The following ZFP64 variants were observed in gnomAD, a reference collection of about 807,000 sequenced individuals.
ZFP64 encodes ZFP64 zinc finger protein, also known as zinc finger protein 64.
A neutral mutation model predicts 51.6 loss-of-function variants in ZFP64; 14 were observed. The observed-to-expected ratio is 0.27, with a 90% CI of 0.18 to 0.42. ZFP64 has a LOEUF of 0.42. Among genes scored for constraint, ZFP64 ranks in the 10% least tolerant of loss-of-function variants. ZFP64 has a pLI of 1.00. For missense variants in ZFP64, 754 were observed against 906.8 expected, an observed-to-expected ratio of 0.83 and a Z score of 2.16; for synonymous variants, 375 against 361.4, an observed-to-expected ratio of 1.04 and a Z score of -0.43.
At chr20:52,135,449 T>C (rs2122892870) in intron 5 of ZFP64, among the ~76,000 whole-genome samples, 1 of 152,216 alleles carries the variant, frequency 6.6e-6, no homozygotes, top group African/African-American at 2.4e-5. Context: ...GGTCTGCAAA[T>C]TGGGAGTTTT....
At chr20:52,168,363 G>A (rs1377178090) in intron 2 of ZFP64, among the ~76,000 whole-genome samples, 1 of 152,204 alleles carries the variant, frequency 6.6e-6, no homozygotes, top group Non-Finnish European at 1.5e-5. Flanking sequence ...CATTTGCTCT[G>A]TGGGATCTGG....
At chr20:52,187,180 T>C in intron 1 of ZFP64, 109 bp from the exon 2 acceptor site, 1 of 1,248,338 alleles carries the variant, frequency 8.0e-7, no homozygotes, top group Admixed American at 2.2e-5. Flanking sequence ...CATGGCTGGG[T>C]AGTGGCCCAG....
rs3035409 is a variant in ZFP64 at position 52,099,319 on chromosome 20, CTTTT to C, written c.764-736_764-733del. Among the ~76,000 whole-genome samples, 246 of 149,986 alleles carry C rather than the reference CTTTT, an allele frequency of 1.6e-3. 1 individual carries two copies. The highest frequency in any genetic ancestry group is 4.7e-3 in the East Asian group (24 of 5,060). ...AGCTGGATGCCATGGCAATGTCAAA[CTTTT>C]TTTTTTTTTTTTAAGATGCTTACTC... On this transcript the variant is annotated intron_variant, in intron 5 of 8. Transcript: ENST00000361387.
intron 5 of ZFP64, among the ~76,000 whole-genome samples, chr20:52,145,552 C>T (rs1183433041): frequency 6.6e-6 from 1 of 152,098 alleles, no homozygotes; most frequent in South Asian, 2.1e-4. Flanking sequence ...GTGGGAGGAT[C>T]ACCTGAGCCT....
chr20:52,111,279 C>T (rs1262179112), intron 5 of ZFP64, among the ~76,000 whole-genome samples: 2 of 147,282 alleles, frequency 1.4e-5, no homozygotes, highest in Non-Finnish European at 3.0e-5. Flanking sequence ...TGCAATGGCG[C>T]GATCTCGGCT....
intron 5 of ZFP64, among the ~76,000 whole-genome samples, chr20:52,107,224 C>T (rs1288473915): frequency 6.6e-6 from 1 of 152,154 alleles, no homozygotes; most frequent in Non-Finnish European, 1.5e-5. Context: ...CTGAGACCCT[C>T]TTATACTGCT....
intron 5 of ZFP64, chr20:52,104,670 TC>T (rs1317758277): frequency 2.1e-6 from 1 of 472,552 alleles, no homozygotes; most frequent in South Asian, 1.5e-5. Flanking sequence ...GCTCGCTCCC[TC>T]CCATCCTTCG....
Position 52,186,882 on chromosome 20 carries a change from T to A in ZFP64, c.236A>T (p.Gln79Leu). 1 of 1,613,670 alleles carries A rather than the reference T, an allele frequency of 6.2e-7. No individual in the cohort carries two copies. Among genetic ancestry groups the A allele is most frequent in the Non-Finnish European group, 8.5e-7 (1 of 1,179,582 alleles). ...FVSEETVPAT[Q>L]TQTTTRTITS... ...GATGGTTCTGGTGGTGGTCTGAGTC[T>A]GGGTGGCAGGCACTGTTTCCTCCGA... is the stretch of plus-strand genomic sequence containing the variant. Residue 79 changes from glutamine to leucine, a missense_variant, in exon 2 of 6, where the codon CAG becomes CTG. Coordinates refer to ENST00000216923, the MANE Select transcript of ZFP64 (RefSeq NM_018197.3).
chr20:52,165,854 C>T lies in ZFP64; in HGVS notation c.448+10G>A, dbSNP rs767425809. 15 of 1,613,856 alleles carry T rather than the reference C, an allele frequency of 9.3e-6. No individual in the cohort carries two copies. The East Asian group carries it at 3.1e-4, about 34-fold the overall frequency. ...CCCTCTACACAAGTAGGACATAATGCTGCCTTTACCTGGATAGCAACAGTT... is the reference window on the plus strand; with the variant it reads ...CCCTCTACACAAGTAGGACATAATGTTGCCTTTACCTGGATAGCAACAGTT... On this transcript the variant is annotated intron_variant, in intron 3 of 5. Coordinates refer to ENST00000216923, the MANE Select transcript of ZFP64 (RefSeq NM_018197.3).
At chr20:52,091,675 A>G (rs142128760) in intron 7 of ZFP64, among the ~76,000 whole-genome samples, 21 of 151,976 alleles carry the variant, frequency 1.4e-4, no homozygotes, top group South Asian at 6.3e-4. Context: ...CCAGAAACAG[A>G]TAAGTTTCCT....
At chr20:52,188,833 C>T (rs936770003) in intron 1 of ZFP64, among the ~76,000 whole-genome samples, 3 of 151,474 alleles carry the variant, frequency 2.0e-5, no homozygotes, top group South Asian at 4.2e-4. Context: ...AAAATTAGCC[C>T]GGCGTGGTGG....
intron 4 of ZFP64, among the ~76,000 whole-genome samples, chr20:52,161,450 CTTTTT>C (rs11469696): frequency 3.5e-5 from 4 of 115,180 alleles, no homozygotes; most frequent in African/African-American, 1.0e-4. Context: ...TGATTGCTTT[CTTTTT>C]TTTTTTTTTT....
At chr20:52,120,554 G>T (rs1392906292) in intron 5 of ZFP64, among the ~76,000 whole-genome samples, 1 of 150,488 alleles carries the variant, frequency 6.6e-6, no homozygotes, top group Non-Finnish European at 1.5e-5. Flanking sequence ...AAGTGTATCG[G>T]CTTCATTTTT....
intron 5 of ZFP64, among the ~76,000 whole-genome samples, chr20:52,112,328 T>A (rs185771801): frequency 6.6e-6 from 1 of 152,272 alleles, no homozygotes; most frequent in African/African-American, 2.4e-5. Context: ...AGAGTTATAG[T>A]TATCTATGAA....
chr20:52,175,719 C>T (rs1238059025), intron 2 of ZFP64, among the ~76,000 whole-genome samples: 1 of 152,146 alleles, frequency 6.6e-6, no homozygotes, highest in Non-Finnish European at 1.5e-5. Flanking sequence ...TGGTGGGCGC[C>T]TGGAATCCCA....
At chr20:52,111,532 A>C (rs1978585467) in intron 5 of ZFP64, among the ~76,000 whole-genome samples, 2 of 151,462 alleles carry the variant, frequency 1.3e-5, no homozygotes, top group South Asian at 2.1e-4. Flanking sequence ...TTTTTTTTTA[A>C]TAGTTGTTAG....
At chr20:52,136,062 G>A (rs1470333528) in intron 5 of ZFP64, among the ~76,000 whole-genome samples, 6 of 120,858 alleles carry the variant, frequency 5.0e-5, no homozygotes, top group Admixed American at 2.3e-4. Flanking sequence ...TCACACCACT[G>A]CACTCCAGCC....
chr20:52,110,674 G>A (rs1978513067), intron 5 of ZFP64: 1 of 1,488,560 alleles, frequency 6.7e-7, no homozygotes, highest in Non-Finnish European at 9.1e-7. Flanking sequence ...ACCTGGCATA[G>A]CTAGCTAGAC....
intron 5 of ZFP64, among the ~76,000 whole-genome samples, chr20:52,100,544 C>G (rs2079039783): frequency 6.6e-6 from 1 of 152,142 alleles, no homozygotes; most frequent in Admixed American, 6.6e-5. Context: ...CTGTGTACAG[C>G]CATCTAAAGT....
Sources: allele counts gnomAD v4.1 joint callset (sites outside exome capture counted in the v4.1 genomes callset), GRCh38; gene constraint gnomAD v4.1.1; transcripts MANE v1.5; gene names NCBI Gene and HGNC (gene_info 2026-07-23, HGNC 2026-07-21).